NRG2: variants seen among roughly 807,000 people sequenced by gnomAD.
NRG2 encodes neuregulin 2, also known as pro-neuregulin-2, membrane-bound isoform.
In NRG2, 27 loss-of-function variants were observed where a neutral mutation model predicts 73.9. The observed-to-expected ratio is 0.37, with a 90% CI of 0.27 to 0.50. The LOEUF (loss-of-function observed/expected upper bound fraction) is 0.50, where lower values mean the gene tolerates loss of function less well. NRG2 is among the 20% of genes least tolerant of loss of function. NRG2 has a pLI of 0.96. For missense variants in NRG2, 1,126 were observed against 1,210.1 expected, an observed-to-expected ratio of 0.93 and a Z score of 1.03; for synonymous variants, 532 against 541.0, an observed-to-expected ratio of 0.98 and a Z score of 0.23.
At chr5:139,948,315 A>AACCTCTTG in intron 1 of NRG2, among the ~76,000 whole-genome samples, 1 of 152,152 alleles carries the variant, frequency 6.6e-6, no homozygotes, top group East Asian at 1.9e-4. Context: ...GGTCATATCC[A>AACCTCTTG]ACCTCTTGGC....
At chr5:139,997,472 C>T (rs1001941119) in intron 1 of NRG2, among the ~76,000 whole-genome samples, 6 of 152,206 alleles carry the variant, frequency 3.9e-5, no homozygotes, top group African/African-American at 1.4e-4. Flanking sequence ...TAGTAAGCTG[C>T]CTTTATCTTC....
chr5:140,023,477 T>C (rs1184692487), intron 1 of NRG2, among the ~76,000 whole-genome samples: 1 of 152,224 alleles, frequency 6.6e-6, no homozygotes, highest in African/African-American at 2.4e-5. Flanking sequence ...CTGAATCCTA[T>C]AGTCTATTTT....
chr5:139,859,921 G>A (rs1561630912), intron 5 of NRG2: 4 of 1,598,824 alleles, frequency 2.5e-6, no homozygotes, highest in Non-Finnish European at 1.7e-6. Context: ...CTCTGGCAGT[G>A]CAGAAGAGCG....
intron 3 of NRG2, among the ~76,000 whole-genome samples, chr5:139,877,502 G>T (rs1763259428): frequency 6.6e-6 from 1 of 151,784 alleles, no homozygotes; most frequent in Admixed American, 6.6e-5. Context: ...ACCACAGGGT[G>T]TGGTTGCTGC....
At chr5:139,935,958 TAAAAAAA>T (rs554574182) in intron 1 of NRG2, among the ~76,000 whole-genome samples, 4 of 122,268 alleles carry the variant, frequency 3.3e-5, no homozygotes, top group African/African-American at 1.2e-4. Context: ...GACTCTGTCT[TAAAAAAA>T]AAAAAAAAAA....
At chr5:140,006,631 C>T (rs931185258) in intron 1 of NRG2, among the ~76,000 whole-genome samples, 3 of 152,050 alleles carry the variant, frequency 2.0e-5, no homozygotes, top group Admixed American at 6.6e-5. Flanking sequence ...TTTCTAAGAA[C>T]GGTTTGCCGT....
chr5:139,905,910 G>C (rs2127182167), intron 1 of NRG2, among the ~76,000 whole-genome samples: 1 of 152,226 alleles, frequency 6.6e-6, no homozygotes, highest in Middle Eastern at 3.4e-3. Context: ...GTACTGCCTT[G>C]GTTCATTCCC....
intron 1 of NRG2, among the ~76,000 whole-genome samples, chr5:139,935,017 A>G (rs1752745223): frequency 1.3e-5 from 2 of 152,004 alleles, no homozygotes. Context: ...ATACAAAACA[A>G]TTAGCTGGGA....
intron 6 of NRG2, 85 bp downstream of exon 6, chr5:139,855,590 TG>T: frequency 8.7e-7 from 1 of 1,144,284 alleles, no homozygotes; most frequent in Admixed American, 1.7e-5. Context: ...TCCAGTGGGG[TG>T]GGGGAGGAAA....
At chr5:139,859,991 G>T in intron 5 of NRG2, 1 of 1,461,116 alleles carries the variant, frequency 6.8e-7, no homozygotes, top group East Asian at 2.3e-5. Flanking sequence ...GGGGGAGAGA[G>T]AGAGACAGAA....
At chr5:139,977,758 G>A (rs1326758676) in intron 1 of NRG2, among the ~76,000 whole-genome samples, 1 of 152,200 alleles carries the variant, frequency 6.6e-6, no homozygotes, top group Non-Finnish European at 1.5e-5. Context: ...ATAGACCAAC[G>A]GAACAGAACA....
chr5:139,886,028 A>G (rs1218466808), intron 2 of NRG2, among the ~76,000 whole-genome samples: 1 of 152,054 alleles, frequency 6.6e-6, no homozygotes, highest in Non-Finnish European at 1.5e-5. Context: ...GGGCAGCCAG[A>G]GCTTCTTGCC....
chr5:139,906,064 G>C (rs1310631035), intron 1 of NRG2, among the ~76,000 whole-genome samples: 7 of 152,080 alleles, frequency 4.6e-5, no homozygotes, highest in Non-Finnish European at 8.8e-5. Context: ...CTGGAGTGCA[G>C]TGGCGCCATC....
intron 2 of NRG2, among the ~76,000 whole-genome samples, chr5:139,884,620 G>T (rs1763744862): frequency 6.6e-6 from 1 of 152,158 alleles, no homozygotes; most frequent in African/African-American, 2.4e-5. Context: ...CAAACAAACT[G>T]GGTACATAAG....
At chr5:139,883,292 G>A (rs890777577) in intron 2 of NRG2, among the ~76,000 whole-genome samples, 1 of 146,766 alleles carries the variant, frequency 6.8e-6, no homozygotes, top group African/African-American at 2.6e-5. Context: ...CTGGGCAGCT[G>A]TGTCCTCCAC....
chr5:139,959,274 A>G (rs1418165969), intron 1 of NRG2, among the ~76,000 whole-genome samples: 1 of 152,346 alleles, frequency 6.6e-6, no homozygotes, highest in East Asian at 1.9e-4. Context: ...ATCTCAGCTC[A>G]CTGCAACCTC....
At chr5:140,024,501 C>CA (rs1760515948) in intron 1 of NRG2, among the ~76,000 whole-genome samples, 1 of 152,172 alleles carries the variant, frequency 6.6e-6, no homozygotes, top group African/African-American at 2.4e-5. Context: ...GTGATCCGCC[C>CA]GCCTCGGCCT....
chr5:140,020,806 GT>G (rs1760161616), intron 1 of NRG2, among the ~76,000 whole-genome samples: 1 of 152,230 alleles, frequency 6.6e-6, no homozygotes, highest in Admixed American at 6.5e-5. Context: ...AAAAGAGTTA[GT>G]TTATGTCATC....
intron 1 of NRG2, among the ~76,000 whole-genome samples, chr5:139,999,191 C>T (rs932834900): frequency 2.0e-5 from 3 of 152,092 alleles, no homozygotes; most frequent in Non-Finnish European, 4.4e-5. Flanking sequence ...CAGTAGGAAC[C>T]TTAATAATAC....
Sources: gnomAD v4.1 joint callset for allele counts (sites outside exome capture counted in the v4.1 genomes callset) on GRCh38, gnomAD v4.1.1 for gene constraint, MANE v1.5 for transcripts, NCBI Gene and HGNC (gene_info 2026-07-23, HGNC 2026-07-21) for gene names.